VPS13A: variants seen among roughly 807,000 people sequenced by gnomAD.
VPS13A encodes the protein intermembrane lipid transfer protein VPS13A.
A neutral mutation model predicts 390.9 loss-of-function variants in VPS13A; 264 were observed. That is an observed-to-expected ratio of 0.68 (90% confidence interval 0.61 to 0.75). The LOEUF (loss-of-function observed/expected upper bound fraction) is 0.75. Among genes scored for constraint, VPS13A ranks in the 30% least tolerant of loss-of-function variants. The pLI is 0.00. For missense variants in VPS13A, 3,409 were observed against 3,733.9 expected (o/e 0.91, Z 2.27); for synonymous variants, 1,231 against 1,227.1 (o/e 1.00, Z -0.07).
At position 77,207,252 on chromosome 9, in the gene VPS13A, T is replaced by TATATATATATATATTA; in HGVS notation, c.385+1174_385+1175insTATATATATATATTAA. ...ATATATATATATATATATATATATA[T>TATATATATATATATTA]AAAACGTGTTATATGTAACATAACA... On this transcript the variant is annotated intron_variant, in intron 5 of 71. Coordinates refer to ENST00000360280, the MANE Select transcript of VPS13A (RefSeq NM_033305.3). 8.3e-4 allele frequency among the ~76,000 whole-genome samples: 72 copies of TATATATATATATATTA among 87,244 alleles called. 5 individuals are homozygous for TATATATATATATATTA. The highest frequency in any genetic ancestry group is 1.8e-3 in the East Asian group (5 of 2,712). The allele number at this position is 87,244 out of a possible 152,430, so 57.2% of individuals were successfully genotyped here.
At chr9:77,332,831 A>G (rs939998684) in intron 46 of VPS13A, among the ~76,000 whole-genome samples, 2 of 152,232 alleles carry the variant, frequency 1.3e-5, no homozygotes, top group Non-Finnish European at 1.5e-5. Context: ...AGAAATAGGT[A>G]CTTACCTCAA....
intron 45 of VPS13A, among the ~76,000 whole-genome samples, chr9:77,328,100 A>G (rs1830105639): frequency 6.6e-6 from 1 of 152,284 alleles, no homozygotes; most frequent in South Asian, 2.1e-4. Context: ...AGAAGTTGAA[A>G]TTACTCCTTG....
At chr9:77,385,333 GCTTTA>G (rs1833637284) in intron 68 of VPS13A, 1 of 370,172 alleles carries the variant, frequency 2.7e-6, no homozygotes, top group African/African-American at 2.2e-5. Context: ...TTATGTCTTT[GCTTTA>G]CTTTTTACCG....
intron 17 of VPS13A, among the ~76,000 whole-genome samples, chr9:77,229,569 T>C (rs942810492): frequency 6.6e-6 from 1 of 152,202 alleles, no homozygotes; most frequent in African/African-American, 2.4e-5. Flanking sequence ...CTTAGCATGA[T>C]GTTTTCAAGG....
chr9:77,269,178 G>GT (rs943167971), intron 23 of VPS13A, among the ~76,000 whole-genome samples: 1 of 151,870 alleles, frequency 6.6e-6, no homozygotes, highest in African/African-American at 2.4e-5. Context: ...TTTTCCCTAT[G>GT]TTTTTTTCTA....
In VPS13A at chr9:77,340,172, T is replaced by G. The variant is rs1429784694; in HGVS notation, c.6775-6T>G. 6.2e-7 allele frequency: 1 copy of G among 1,611,428 alleles called. No homozygotes were observed. Among genetic ancestry groups the G allele is most frequent in the Admixed American group, 1.7e-5 (1 of 60,012 alleles). ...TTGTGATGTATTTGGAATATTTTTT[T>G]CCTAGGTTCAACTTATGGTAACTGA... On this transcript the variant is annotated splice_region_variant and splice_polypyrimidine_tract_variant and intron_variant, in intron 48 of 71. Coordinates refer to ENST00000360280, the MANE Select transcript of VPS13A (RefSeq NM_033305.3).
At chr9:77,358,145 G>A (rs928968882) in intron 56 of VPS13A, among the ~76,000 whole-genome samples, 4 of 151,378 alleles carry the variant, frequency 2.6e-5, no homozygotes, top group Admixed American at 6.6e-5. Context: ...TAGTAGAGAC[G>A]GGGTTTCACC....
chr9:77,286,670 A>T (rs1331867966), intron 31 of VPS13A, among the ~76,000 whole-genome samples: 2 of 152,172 alleles, frequency 1.3e-5, no homozygotes, highest in African/African-American at 2.4e-5. Flanking sequence ...ATTCAGAGCT[A>T]ATTTGAAGCT....
chr9:77,234,697 T>C (rs1257463068), intron 17 of VPS13A, among the ~76,000 whole-genome samples: 1 of 152,210 alleles, frequency 6.6e-6, no homozygotes, highest in Non-Finnish European at 1.5e-5. Context: ...TCTGCCATTT[T>C]GCTATTTGTT....
At chr9:77,214,047 GGGT>G (rs1171847461) in intron 9 of VPS13A, among the ~76,000 whole-genome samples, 3 of 151,886 alleles carry the variant, frequency 2.0e-5, no homozygotes. Context: ...AGGCCGAGGC[GGGT>G]GGATCACTTG....
chr9:77,407,652 A>C, intron 71 of VPS13A, 45 bp downstream of exon 71: 1 of 1,399,790 alleles, frequency 7.1e-7, no homozygotes, highest in South Asian at 1.2e-5. Flanking sequence ...TGCTCACTTC[A>C]AAATCATGTA....
chr9:77,284,795 C>T (rs907653292), intron 31 of VPS13A, among the ~76,000 whole-genome samples: 7 of 151,998 alleles, frequency 4.6e-5, no homozygotes, highest in Admixed American at 1.3e-4. Flanking sequence ...CCTCCACCTC[C>T]TGGGTTTCAG....
intron 41 of VPS13A, 87 bp from the exon 42 acceptor site, chr9:77,319,485 T>G (rs907922433): frequency 6.6e-6 from 6 of 915,512 alleles, no homozygotes; most frequent in Middle Eastern, 3.1e-4. Flanking sequence ...GTAGACTGGT[T>G]TTTATATAGA....
At chr9:77,383,641 G>T (rs928867188) in intron 68 of VPS13A, among the ~76,000 whole-genome samples, 1 of 152,086 alleles carries the variant, frequency 6.6e-6, no homozygotes, top group Non-Finnish European at 1.5e-5. Flanking sequence ...ATTTCTCATG[G>T]TTGATAATTT....
intron 1 of VPS13A, among the ~76,000 whole-genome samples, chr9:77,190,020 G>A (rs1824578815): frequency 6.6e-6 from 1 of 152,092 alleles, no homozygotes; most frequent in Non-Finnish European, 1.5e-5. Flanking sequence ...GAGTTTTCTA[G>A]GTATAGAATC....
chr9:77,245,637 G>A (rs12337882), intron 19 of VPS13A, among the ~76,000 whole-genome samples: 30,856 of 152,056 alleles, frequency 0.2, 3,326 homozygotes, highest in Middle Eastern at 0.26. Context: ...GGAAATGCCA[G>A]GGTTTTTTCT....
chr9:77,267,940 A>G (rs557641082), intron 23 of VPS13A, among the ~76,000 whole-genome samples: 1 of 152,304 alleles, frequency 6.6e-6, no homozygotes, highest in South Asian at 2.1e-4. Context: ...CCCAATTTGA[A>G]CTTCCAGGCA....
intron 13 of VPS13A, among the ~76,000 whole-genome samples, chr9:77,224,576 G>A (rs1161937789): frequency 2.6e-5 from 4 of 152,156 alleles, no homozygotes; most frequent in Non-Finnish European, 5.9e-5. Context: ...ACTAGAAGTG[G>A]AGCCTGAACA....
chr9:77,207,252 T>TATATATATATACATAA lies in VPS13A; in HGVS notation c.385+1174_385+1175insTATATATATACATAAA. ...ATATATATATATATATATATATATATAAAACGTGTTATATGTAACATAACA... is the reference window on the plus strand; with the variant it reads ...ATATATATATATATATATATATATATATATATATATACATAAAAAACGTGTTATATGTAACATAACA... On this transcript the variant is annotated intron_variant, in intron 5 of 71. Coordinates refer to ENST00000360280, the MANE Select transcript of VPS13A (RefSeq NM_033305.3). Among the ~76,000 whole-genome samples the TATATATATATACATAA allele has an allele frequency of 1.5e-4, 13 of 87,246 alleles. 1 individual carries two copies. Among genetic ancestry groups the TATATATATATACATAA allele is most frequent in the African/African-American group, 5.3e-4 (13 of 24,676 alleles). 57.2% of individuals were successfully genotyped at this position (87,246 alleles called of 152,430 possible). A position where few individuals can be genotyped will look rare whatever the true frequency, so the allele number is the denominator to read the frequency against.
Sources: gnomAD v4.1 joint callset for allele counts (sites outside exome capture counted in the v4.1 genomes callset) on GRCh38, gnomAD v4.1.1 for gene constraint, MANE v1.5 for transcripts, NCBI Gene and HGNC (gene_info 2026-07-23, HGNC 2026-07-21) for gene names.